The following SF3A3 variants were observed in gnomAD, a reference collection of about 807,000 sequenced individuals.
SF3A3 encodes the protein SAP 61.
Under a neutral mutation model 85.8 loss-of-function variants are expected in SF3A3, and 9 were observed. That is an observed-to-expected ratio of 0.10 (90% CI 0.06 to 0.18). SF3A3 has a LOEUF of 0.18. Among genes scored for constraint, SF3A3 ranks in the 10% least tolerant of loss-of-function variants. The probability of loss-of-function intolerance (pLI) is 1.00; values close to 1 mark genes in which losing one functional copy is unlikely to be tolerated. For synonymous variants in SF3A3, 195 were observed against 204.4 expected, an observed-to-expected ratio of 0.95 and a Z score of 0.39; for missense variants, 306 against 593.3, an observed-to-expected ratio of 0.52 and a Z score of 5.03.
intron 11 of SF3A3, among the ~76,000 whole-genome samples, chr1:37,978,039 C>CA (rs1339179262): frequency 1.4e-5 from 2 of 147,354 alleles, no homozygotes; most frequent in Non-Finnish European, 3.0e-5. Context: ...AACAAACAAA[C>CA]AAAAAAAACA....
rs1400995740 is a variant in SF3A3, at chr1:37,957,351, A to C, written c.*835T>G. 1 of 149,288 alleles carries C rather than the reference A, an allele frequency of 6.7e-6. No individual in the cohort carries two copies. The highest frequency in any genetic ancestry group is 1.5e-5 in the Non-Finnish European group (1 of 67,610). 9.2% of individuals were successfully genotyped at this position (149,288 alleles called of 1,614,324 possible). A position where few individuals can be genotyped will look rare whatever the true frequency, so the allele number is the denominator to read the frequency against. On this transcript the variant is annotated 3_prime_UTR_variant, in exon 17 of 17. Transcript: ENST00000373019. ...CTAGTTCCCTTGTTTGTTGGGCTGC[A>C]GGCCCATTCCAACACAGCCCAACTC...
At chr1:37,974,081 T>C (rs2148719910) in intron 12 of SF3A3, among the ~76,000 whole-genome samples, 1 of 151,948 alleles carries the variant, frequency 6.6e-6, no homozygotes, top group East Asian at 1.9e-4. Context: ...GGACCTGTTG[T>C]GGGGTTGGAG....
At chr1:37,982,574 G>C (rs1231223613) in intron 6 of SF3A3, among the ~76,000 whole-genome samples, 2 of 151,966 alleles carry the variant, frequency 1.3e-5, no homozygotes, top group Admixed American at 6.6e-5. Context: ...GTTTCTGCAT[G>C]TTGGTCAGGC....
chr1:37,980,975 G>A (rs965950293), intron 7 of SF3A3, among the ~76,000 whole-genome samples: 11 of 147,628 alleles, frequency 7.5e-5, no homozygotes, highest in South Asian at 6.5e-4. Flanking sequence ...TCAGCCTCCC[G>A]AATAGCTGGG....
intron 6 of SF3A3, 118 bp downstream of exon 6, chr1:37,984,051 A>C: frequency 1.8e-6 from 1 of 541,282 alleles, no homozygotes; most frequent in Non-Finnish European, 3.4e-6. Context: ...TAATATTTAC[A>C]TAAGAGTTTT....
At chr1:37,985,078 G>C (rs557507989) in intron 4 of SF3A3, among the ~76,000 whole-genome samples, 1 of 152,208 alleles carries the variant, frequency 6.6e-6, no homozygotes, top group South Asian at 2.1e-4. Context: ...AAAGTGCTGG[G>C]ATTACAGGCA....
intron 1 of SF3A3, 66 bp from the exon 2 acceptor site, chr1:37,989,661 G>C: frequency 6.3e-7 from 1 of 1,574,984 alleles, no homozygotes; most frequent in South Asian, 1.1e-5. Flanking sequence ...GGCCGCCCGA[G>C]GGCGGAGCTT....
chr1:37,983,476 T>C (rs1036646165), intron 6 of SF3A3, among the ~76,000 whole-genome samples: 11 of 147,660 alleles, frequency 7.4e-5, no homozygotes, highest in African/African-American at 2.8e-4. Flanking sequence ...TCCCAAGTAC[T>C]TGGTGGGGCT....
intron 12 of SF3A3, among the ~76,000 whole-genome samples, chr1:37,970,566 A>G (rs1570459595): frequency 5.8e-4 from 1 of 1,710 alleles, no homozygotes; most frequent in African/African-American, 0.014. Context: ...TCTTCTCAGC[A>G]CCACATCACA....
intron 14 of SF3A3, among the ~76,000 whole-genome samples, chr1:37,968,353 T>A (rs933668006): frequency 1.2e-4 from 19 of 152,328 alleles, no homozygotes; most frequent in African/African-American, 4.6e-4. Flanking sequence ...TGGGTTGGCT[T>A]GTAAACCTAG....
chr1:37,968,384 A>C (rs1265864558), intron 14 of SF3A3, among the ~76,000 whole-genome samples: 1 of 152,170 alleles, frequency 6.6e-6, no homozygotes, highest in Admixed American at 6.5e-5. Flanking sequence ...CAGTAGTCTT[A>C]TACATAAAAC....
chr1:37,979,328 C>T, intron 9 of SF3A3, 137 bp downstream of exon 9: 1 of 716,054 alleles, frequency 1.4e-6, no homozygotes, highest in East Asian at 2.7e-5. Flanking sequence ...TTTTGCCTTG[C>T]TACTTTCTTT....
At chr1:37,978,855 T>C (rs1230565412) in intron 10 of SF3A3, 28 bp from the exon 11 acceptor site, 1 of 1,570,064 alleles carries the variant, frequency 6.4e-7, no homozygotes, top group East Asian at 2.3e-5. Context: ...CAAAGGATTT[T>C]AGGGTTACTT....
chr1:37,979,513 C>T lies in SF3A3; in HGVS notation c.711G>A (p.Leu237=). 1 of 1,612,728 alleles carries T rather than the reference C, an allele frequency of 6.2e-7. No individual in the cohort carries two copies. The highest frequency in any genetic ancestry group is 8.5e-7 in the Non-Finnish European group (1 of 1,178,876). ...GGTCAAGATGGGCTCCAGCATGGGT[C>T]AGGGCACTGCTTGTCTCTTTCTGGA... ...PGWPKETSSA[L]THAGAHLDLS... The change falls in exon 9 of 17, where the codon CTG becomes CTA. Residue 237 remains leucine (L), a synonymous_variant. Coordinates refer to ENST00000373019, the MANE Select transcript of SF3A3 (RefSeq NM_006802.4).
At chr1:37,987,082 GACT>G (rs200516443) in intron 4 of SF3A3, among the ~76,000 whole-genome samples, 1,711 of 152,066 alleles carry the variant, frequency 0.011, 84 homozygotes, top group Admixed American at 0.075. Context: ...ATGTGGCCTT[GACT>G]TCTTTTTTTT....
chr1:37,963,493 C>G (rs1339997332), intron 15 of SF3A3, among the ~76,000 whole-genome samples: 1 of 151,924 alleles, frequency 6.6e-6, no homozygotes, highest in African/African-American at 2.4e-5. Context: ...ACTGACTAAC[C>G]TAGACAGCTA....
rs750669128 is a variant in SF3A3 at position 37,979,551 on chromosome 1, G to A, written c.691-18C>T. ...GTCTCTTTCTGGAAAGAACAATATGGTATTTATTAAGATCCAGGTTTAGGC... is the reference window on the plus strand; with the variant it reads ...GTCTCTTTCTGGAAAGAACAATATGATATTTATTAAGATCCAGGTTTAGGC... On this transcript the variant is annotated intron_variant, in intron 8 of 16. Coordinates refer to ENST00000373019, the MANE Select transcript of SF3A3 (RefSeq NM_006802.4). 61 of 1,598,844 alleles carry A rather than the reference G, an allele frequency of 3.8e-5. No individual in the cohort carries two copies. Among genetic ancestry groups the A allele is most frequent in the Non-Finnish European group, 4.8e-5 (56 of 1,167,690 alleles).
At chr1:37,980,365 G>A (rs1646409356) in intron 8 of SF3A3, among the ~76,000 whole-genome samples, 1 of 151,836 alleles carries the variant, frequency 6.6e-6, no homozygotes, top group African/African-American at 2.4e-5. Context: ...CGGAGGTTGA[G>A]GTGAGCCGAG....
intron 12 of SF3A3, among the ~76,000 whole-genome samples, chr1:37,973,411 A>G (rs1438725318): frequency 6.6e-6 from 1 of 152,210 alleles, no homozygotes; most frequent in African/African-American, 2.4e-5. Flanking sequence ...GTGAACAGGC[A>G]ACCTACAGAA....
Sources: gnomAD v4.1 joint callset for allele counts (sites outside exome capture counted in the v4.1 genomes callset) on GRCh38, gnomAD v4.1.1 for gene constraint, MANE v1.5 for transcripts, NCBI Gene and HGNC (gene_info 2026-07-23, HGNC 2026-07-21) for gene names.